The following CCNG1 variants were observed in gnomAD, a reference collection of about 807,000 sequenced individuals.
CCNG1 encodes cyclin G1.
Under a neutral mutation model 30.0 loss-of-function variants are expected in CCNG1, and 13 were observed. That is an observed-to-expected ratio of 0.43 (90% CI 0.28 to 0.69). The LOEUF is 0.69. CCNG1 is among the 30% of genes least tolerant of loss of function. The pLI, the probability that CCNG1 is intolerant of heterozygous loss-of-function variation, is 0.16. For missense variants in CCNG1, 285 were observed against 331.4 expected (o/e 0.86, Z 1.09); for synonymous variants, 110 against 121.5 (o/e 0.91, Z 0.62).
intron 3 of CCNG1, 114 bp from the exon 4 acceptor site, chr5:163,441,772 A>G (rs1757826673): frequency 1.5e-6 from 1 of 649,874 alleles, no homozygotes; most frequent in African/African-American, 1.8e-5. Context: ...TTCATTTGCT[A>G]TGTTAAGTGT....
intron 1 of CCNG1, chr5:163,439,041 AG>A: frequency 2.2e-6 from 1 of 456,490 alleles, no homozygotes; most frequent in Non-Finnish European, 3.9e-6. Flanking sequence ...AAAAAAAAAA[AG>A]CATGGTTCCT....
chr5:163,441,003 T>C, intron 2 of CCNG1, 75 bp from the exon 3 acceptor site: 1 of 1,460,280 alleles, frequency 6.8e-7, no homozygotes, highest in Non-Finnish European at 9.3e-7. Context: ...GGGTCGGAGT[T>C]CTAGATTATC....
downstream of CCNG1, chr5:163,449,939 A>C (rs1463631466): frequency 6.6e-6 from 1 of 152,162 alleles, no homozygotes; most frequent in Non-Finnish European, 1.5e-5. Flanking sequence ...TGTAGAACTA[A>C]ATTTATAAAA....
chr5:163,454,100 T>C, the CCNG1 span: 2 of 960,858 alleles, frequency 2.1e-6, no homozygotes, highest in Non-Finnish European at 1.5e-6. Context: ...TAAGGAAAAA[T>C]ACAAGTACAA....
At chr5:163,455,554 G>C in the CCNG1 span, among the ~76,000 whole-genome samples, 1 of 152,194 alleles carries the variant, frequency 6.6e-6, no homozygotes, top group Non-Finnish European at 1.5e-5. Flanking sequence ...ACGAGGTCAA[G>C]AGATTGAGAC....
At position 163,443,719 on chromosome 5, in the gene CCNG1, C is replaced by T; in HGVS notation, c.*49C>T. ...ACTTCTCTGAAGCCTTTCTCCACAA[C>T]CTTGTTCTATGGATTCCATAATGTT... On this transcript the variant is annotated 3_prime_UTR_variant, in exon 7 of 7. Coordinates refer to ENST00000340828, the MANE Select transcript of CCNG1 (RefSeq NM_004060.4). 6.5e-7 allele frequency: 1 copy of T among 1,529,780 alleles called. No homozygotes were observed. Among genetic ancestry groups the T allele is most frequent in the Non-Finnish European group, 8.8e-7 (1 of 1,142,144 alleles). The allele number at this position is 1,529,780 out of a possible 1,614,324, so 94.8% of individuals were successfully genotyped here.
rs2113367722 is a variant in CCNG1, at chr5:163,442,120, G to A, written c.673G>A (p.Glu225Lys). 2 of 1,609,458 alleles carry A rather than the reference G, an allele frequency of 1.2e-6. No homozygotes were observed. The highest frequency in any genetic ancestry group is 4.5e-5 in the East Asian group (2 of 44,752). ...QKCVELTEGI[E>K]CLQKHSKING... ...GTGTGTAGAGTTAACAGAAGGAATA[G>A]AATGTCTTCAGAAACATTCCAAGGT... is the stretch of plus-strand genomic sequence containing the variant. The change falls in exon 5 of 7, where the codon GAA becomes AAA. Residue 225 changes from glutamate (E) to lysine (K), a missense_variant. Transcript: ENST00000340828.
chr5:163,440,854 T>G (rs1324247070), intron 2 of CCNG1, among the ~76,000 whole-genome samples: 1 of 152,202 alleles, frequency 6.6e-6, no homozygotes, highest in Non-Finnish European at 1.5e-5. Flanking sequence ...AACATTATAC[T>G]GAAACTCAGT....
chr5:163,453,418 A>G, the CCNG1 span: 3 of 152,424 alleles, frequency 2.0e-5, no homozygotes, highest in African/African-American at 7.2e-5. Context: ...AAACTTCTTG[A>G]CATAAAGTAA....
At chr5:163,447,115 CAGT>C (rs1758055815), downstream of CCNG1, 2 of 152,130 alleles carry the variant, frequency 1.3e-5, no homozygotes, top group Admixed American at 1.3e-4. Context: ...TTCACCAAGA[CAGT>C]GCTAAAAGTG....
chr5:163,456,637 G>A, the CCNG1 span, among the ~76,000 whole-genome samples: 1 of 152,088 alleles, frequency 6.6e-6, no homozygotes, highest in Admixed American at 6.5e-5. Context: ...TTTACACTAG[G>A]TAAGTCTATA....
intron 3 of CCNG1, 186 bp downstream of exon 3, chr5:163,441,517 T>C: frequency 3.5e-6 from 2 of 563,884 alleles, no homozygotes; most frequent in Non-Finnish European, 6.0e-6. Flanking sequence ...TCGTTAAAGC[T>C]AATTCTTGGG....
At chr5:163,456,633 C>G in the CCNG1 span, among the ~76,000 whole-genome samples, 1 of 152,090 alleles carries the variant, frequency 6.6e-6, no homozygotes, top group Non-Finnish European at 1.5e-5. Context: ...ACTTTTTACA[C>G]TAGGTAAGTC....
chr5:163,439,609 C>A, intron 2 of CCNG1, 89 bp downstream of exon 2: 1 of 1,051,988 alleles, frequency 9.5e-7, no homozygotes, highest in Non-Finnish European at 1.3e-6. Flanking sequence ...TAAACTTGAC[C>A]TTTTTTTTTT....
chr5:163,447,732 A>G (rs941835749), downstream of CCNG1: 1 of 152,228 alleles, frequency 6.6e-6, no homozygotes, highest in Non-Finnish European at 1.5e-5. Flanking sequence ...CAAATTTAAA[A>G]GAGATGAAAT....
At chr5:163,448,335 C>T (rs1479460152), downstream of CCNG1, 1 of 151,884 alleles carries the variant, frequency 6.6e-6, no homozygotes, top group Non-Finnish European at 1.5e-5. Flanking sequence ...GAAGGAATTC[C>T]AATCTTTGAT....
chr5:163,456,732 A>C, the CCNG1 span, among the ~76,000 whole-genome samples: 1 of 152,224 alleles, frequency 6.6e-6, no homozygotes, highest in Non-Finnish European at 1.5e-5. Flanking sequence ...AGCAATACAA[A>C]TAAATTCCTC....
chr5:163,454,576 G>A, the CCNG1 span, among the ~76,000 whole-genome samples: 6 of 152,110 alleles, frequency 3.9e-5, no homozygotes, highest in East Asian at 1.9e-4. Flanking sequence ...CCCAACCTCC[G>A]GTGATCCGCC....
At chr5:163,443,553 C>A (rs1454826496) in intron 6 of CCNG1, 121 bp from the exon 7 acceptor site, 7 of 595,030 alleles carry the variant, frequency 1.2e-5, no homozygotes, top group Non-Finnish European at 2.1e-5. Context: ...TAAATGTTAA[C>A]ATTTAATACA....
Sources: gnomAD v4.1 joint callset for allele counts (sites outside exome capture counted in the v4.1 genomes callset) on GRCh38, gnomAD v4.1.1 for gene constraint, MANE v1.5 for transcripts, NCBI Gene and HGNC (gene_info 2026-07-23, HGNC 2026-07-21) for gene names.